HFM1: variants seen among roughly 807,000 people sequenced by gnomAD.
The protein encoded by HFM1 is probable ATP-dependent DNA helicase HFM1.
Under a neutral mutation model 192.1 loss-of-function variants are expected in HFM1, and 169 were observed. The observed-to-expected ratio is 0.88, with a 90% CI of 0.78 to 1.00. The LOEUF (loss-of-function observed/expected upper bound fraction) is 1.00, where lower values mean the gene tolerates loss of function less well. Ranked by LOEUF, HFM1 falls within the 50% of genes least tolerant of loss-of-function variation. The probability of loss-of-function intolerance (pLI) is 0.00; values close to 1 mark genes in which losing one functional copy is unlikely to be tolerated. For missense variants in HFM1, 1,661 were observed against 1,668.0 expected (o/e 1.00, Z 0.07); for synonymous variants, 525 against 537.8 (o/e 0.98, Z 0.33).
At position 91,269,618 on chromosome 1, in the gene HFM1, G is replaced by A. The variant is rs79439191; in HGVS notation, c.3773-1763C>T. Among the ~76,000 whole-genome samples the A allele has an allele frequency of 1.5e-3, 222 of 152,252 alleles. 3 individuals are homozygous for A. In the East Asian group the frequency reaches 0.023, roughly 16 times the overall value. On this transcript the variant is annotated intron_variant, in intron 34 of 38. Transcript: ENST00000370425. ...CACAATGTATATATGTACTAAAAATGGAAGTTTGTACAGAGTGCAATGGGA... is the reference window on the plus strand; with the variant it reads ...CACAATGTATATATGTACTAAAAATAGAAGTTTGTACAGAGTGCAATGGGA...
At chr1:91,379,431 A>G (rs1402068177) in intron 8 of HFM1, among the ~76,000 whole-genome samples, 1 of 152,132 alleles carries the variant, frequency 6.6e-6, no homozygotes, top group Non-Finnish European at 1.5e-5. Context: ...ATTGAGCCAC[A>G]CATAAAATAT....
At chr1:91,372,297 AT>A (rs1178584969) in intron 13 of HFM1, among the ~76,000 whole-genome samples, 1 of 152,224 alleles carries the variant, frequency 6.6e-6, no homozygotes, top group Admixed American at 6.5e-5. Context: ...ACGTGTGTTT[AT>A]TGAGGCACTA....
intron 30 of HFM1, among the ~76,000 whole-genome samples, chr1:91,294,343 T>C (rs753209875): frequency 6.6e-6 from 1 of 152,228 alleles, no homozygotes; most frequent in Non-Finnish European, 1.5e-5. Context: ...TTAGTAGTGC[T>C]TATTTTTGCA....
At chr1:91,372,130 A>C (rs1049115364) in intron 13 of HFM1, among the ~76,000 whole-genome samples, 1 of 152,208 alleles carries the variant, frequency 6.6e-6, no homozygotes, top group African/African-American at 2.4e-5. Context: ...ACACTTTTAC[A>C]CTGTTGGTGG....
At chr1:91,321,155 G>A (rs1652040919) in intron 23 of HFM1, among the ~76,000 whole-genome samples, 3 of 152,048 alleles carry the variant, frequency 2.0e-5, no homozygotes, top group Admixed American at 6.6e-5. Flanking sequence ...AAATTAAAAG[G>A]GCAGAGCCAG....
At chr1:91,344,349 C>T (rs1359725738) in intron 19 of HFM1, among the ~76,000 whole-genome samples, 1 of 152,188 alleles carries the variant, frequency 6.6e-6, no homozygotes, top group East Asian at 1.9e-4. Context: ...TTAGTTTAAG[C>T]AACACTCTTT....
Position 91,261,213 on chromosome 1 carries a change from T to G in HFM1, c.*77A>C. On this transcript the variant is annotated 3_prime_UTR_variant, in exon 39 of 39. Transcript: ENST00000370425. ...AAATCCGAACAATTATGAACTACTT[T>G]TTAAAAATAAAAAGCATGCTTTGTG... is the stretch of plus-strand genomic sequence containing the variant. The G allele has an allele frequency of 1.6e-6, 1 of 631,302 alleles. No individual in the cohort carries two copies. Among genetic ancestry groups the G allele is most frequent in the Non-Finnish European group, 2.4e-6 (1 of 414,112 alleles). 39.1% of individuals were successfully genotyped at this position (631,302 alleles called of 1,614,324 possible).
intron 4 of HFM1, among the ~76,000 whole-genome samples, chr1:91,393,474 A>G (rs1663257163): frequency 6.6e-6 from 1 of 152,146 alleles, no homozygotes; most frequent in Non-Finnish European, 1.5e-5. Context: ...CTTTAAATCA[A>G]AAAAGGGCAC....
intron 20 of HFM1, among the ~76,000 whole-genome samples, chr1:91,331,637 T>C (rs989650165): frequency 2.0e-5 from 3 of 152,258 alleles, no homozygotes; most frequent in African/African-American, 7.2e-5. Flanking sequence ...GGCTCATGCC[T>C]GTAATCCCAG....
intron 20 of HFM1, among the ~76,000 whole-genome samples, chr1:91,336,718 A>C (rs1356174432): frequency 1.3e-5 from 2 of 152,206 alleles, no homozygotes. Flanking sequence ...TGACCCAGCA[A>C]TCCCATTACT....
chr1:91,296,738 T>C (rs1570838810), intron 30 of HFM1, among the ~76,000 whole-genome samples: 1 of 152,232 alleles, frequency 6.6e-6, no homozygotes, highest in East Asian at 1.9e-4. Flanking sequence ...CTTGAGCATC[T>C]TTTGTTATTC....
chr1:91,349,602 G>A (rs1219295870), intron 18 of HFM1, among the ~76,000 whole-genome samples: 1 of 152,162 alleles, frequency 6.6e-6, no homozygotes, highest in Admixed American at 6.5e-5. Flanking sequence ...AGAAACTGAG[G>A]CCTCTAACTT....
chr1:91,310,143 A>G (rs1481549295), intron 30 of HFM1, among the ~76,000 whole-genome samples: 1 of 152,170 alleles, frequency 6.6e-6, no homozygotes, highest in African/African-American at 2.4e-5. Flanking sequence ...GACAATTTGA[A>G]CCCTGACTTA....
chr1:91,385,269 C>A (rs749460995), intron 5 of HFM1, 35 bp from the exon 6 acceptor site: 20 of 1,210,910 alleles, frequency 1.7e-5, no homozygotes, highest in Middle Eastern at 2.0e-4. Flanking sequence ...ATATAAATAT[C>A]AAAAAAAAAT....
chr1:91,349,560 T>A (rs1656659181), intron 18 of HFM1, among the ~76,000 whole-genome samples: 1 of 152,200 alleles, frequency 6.6e-6, no homozygotes, highest in African/African-American at 2.4e-5. Context: ...AAGATCCACC[T>A]GGCAAAAGAC....
intron 30 of HFM1, among the ~76,000 whole-genome samples, chr1:91,300,579 A>G (rs981115711): frequency 3.9e-5 from 6 of 152,226 alleles, no homozygotes; most frequent in South Asian, 2.1e-4. Context: ...CAAAAAGCTT[A>G]TCCACCATGA....
rs532400226 is a variant in HFM1 at position 91,337,058 on chromosome 1, C to T, written c.2335+6372G>A. Among the ~76,000 whole-genome samples the T allele has an allele frequency of 5.4e-4, 82 of 152,234 alleles. 1 individual carries two copies. Among genetic ancestry groups the T allele is most frequent in the African/African-American group, 1.9e-3 (80 of 41,524 alleles). On this transcript the variant is annotated intron_variant, in intron 20 of 38. Transcript: ENST00000370425. Reference sequence around the variant, plus strand: ...GAACACGTGGACGCGTTGTGGGGAACAACACACGTTGGGGTCTGTTGGGGA... The same window carrying T: ...GAACACGTGGACGCGTTGTGGGGAATAACACACGTTGGGGTCTGTTGGGGA...
rs909711794 is a variant in HFM1, at chr1:91,394,830, T to C, written c.185-428A>G. ...TTAACATATCTAATGCTTTTAAGTT[T>C]GCAATCTTGCTTCTAAAATCAAAAT... On this transcript the variant is annotated intron_variant, in intron 3 of 38. Coordinates refer to ENST00000370425, the MANE Select transcript of HFM1 (RefSeq NM_001017975.6). 4.6e-5 allele frequency among the ~76,000 whole-genome samples: 7 copies of C among 152,116 alleles called. 1 individual carries two copies. In the South Asian group the frequency reaches 1.4e-3, roughly 31 times the overall value.
rs1205602287 is a variant in HFM1 at position 91,268,004 on chromosome 1, T to C, written c.3773-149A>G. 4 of 577,596 alleles carry C rather than the reference T, an allele frequency of 6.9e-6. No individual in the cohort carries two copies. The African/African-American group carries it at 7.8e-5, about 11-fold the overall frequency. The allele number at this position is 577,596 out of a possible 1,614,324, so 35.8% of individuals were successfully genotyped here. On this transcript the variant is annotated intron_variant, in intron 34 of 38. Transcript: ENST00000370425. ...TAGAAAAATCTGTTATGTGTATGTA[T>C]AAAAGACTATAGGTACTTTTTAAAC... is the stretch of plus-strand genomic sequence containing the variant.
Sources: gnomAD v4.1 joint callset for allele counts (sites outside exome capture counted in the v4.1 genomes callset) on GRCh38, gnomAD v4.1.1 for gene constraint, MANE v1.5 for transcripts, NCBI Gene and HGNC (gene_info 2026-07-23, HGNC 2026-07-21) for gene names.